SLC7A14: variants seen among roughly 807,000 people sequenced by gnomAD.
SLC7A14 encodes solute carrier family 7 member 14.
SLC7A14 carries 37 observed loss-of-function variants against 60.2 expected under a neutral mutation model. The observed-to-expected ratio is 0.61, with a 90% CI of 0.47 to 0.81. The LOEUF (loss-of-function observed/expected upper bound fraction) is 0.81. Among genes scored for constraint, SLC7A14 ranks in the 30% least tolerant of loss-of-function variants. The pLI is 0.00. For missense variants in SLC7A14, 886 were observed against 982.7 expected (o/e 0.90, Z 1.32); for synonymous variants, 399 against 395.8 (o/e 1.01, Z -0.10).
At chr3:170,547,226 A>G (rs1714207447) in intron 1 of SLC7A14, among the ~76,000 whole-genome samples, 1 of 152,118 alleles carries the variant, frequency 6.6e-6, no homozygotes, top group Non-Finnish European at 1.5e-5. Context: ...CCACCTTCTG[A>G]AGTGGAGGGT....
At chr3:170,511,346 G>A (rs968132821) in intron 2 of SLC7A14, among the ~76,000 whole-genome samples, 3 of 151,834 alleles carry the variant, frequency 2.0e-5, no homozygotes, top group Admixed American at 6.6e-5. Context: ...GCGGTGAGCC[G>A]AGATCATGCC....
In SLC7A14 at chr3:170,464,058, T is replaced by G. The variant is rs1739661913; in HGVS notation, c.*2997A>C. The G allele has an allele frequency of 6.6e-6, 1 of 152,276 alleles. No homozygotes were observed. The highest frequency in any genetic ancestry group is 1.5e-5 in the Non-Finnish European group (1 of 68,050). 9.4% of individuals were successfully genotyped at this position (152,276 alleles called of 1,614,324 possible). On this transcript the variant is annotated 3_prime_UTR_variant, in exon 8 of 8. Coordinates refer to ENST00000231706, the MANE Select transcript of SLC7A14 (RefSeq NM_020949.3). ...AAAGCATGTCAGGGTTCTGCATTTA[T>G]GTACTAAATATACGTCTAGTTTTGT...
chr3:170,521,038 G>C (rs1380267998), intron 2 of SLC7A14, among the ~76,000 whole-genome samples: 3 of 152,216 alleles, frequency 2.0e-5, no homozygotes, highest in African/African-American at 7.2e-5. Context: ...ATATACAAAA[G>C]GGCTTTTAGG....
In SLC7A14 at chr3:170,472,325, C is replaced by T. The variant is rs1441106402; in HGVS notation, c.1994-4948G>A. ...TGGAGGTTGCAGTGAGCTGAGATCA[C>T]GCCATTGCACTCCAGCCTGGGCGAC... On this transcript the variant is annotated intron_variant, in intron 7 of 7. Transcript: ENST00000231706. Among the ~76,000 whole-genome samples the T allele has an allele frequency of 4.7e-5, 7 of 149,338 alleles. No homozygotes were observed. The East Asian group carries it at 1.0e-3, about 21-fold the overall frequency.
chr3:170,473,057 A>G (rs62293534), intron 7 of SLC7A14, among the ~76,000 whole-genome samples: 40,525 of 152,102 alleles, frequency 0.27, 6,706 homozygotes, highest in Non-Finnish European at 0.37. Context: ...ATTGGGACTC[A>G]TATCTCTTAA....
intron 4 of SLC7A14, among the ~76,000 whole-genome samples, chr3:170,491,255 A>G (rs1208919851): frequency 2.0e-5 from 3 of 152,240 alleles, no homozygotes; most frequent in African/African-American, 7.2e-5. Flanking sequence ...GAACAAGAGA[A>G]GGGATGGCAA....
chr3:170,521,790 A>T (rs914631886), intron 2 of SLC7A14, among the ~76,000 whole-genome samples: 3 of 152,084 alleles, frequency 2.0e-5, no homozygotes, highest in Non-Finnish European at 4.4e-5. Flanking sequence ...GTGTGATGTC[A>T]TGCACCTGTA....
chr3:170,526,711 C>A lies in SLC7A14; in HGVS notation c.226G>T (p.Gly76Cys). 1 of 1,614,246 alleles carries A rather than the reference C, an allele frequency of 6.2e-7. No homozygotes were observed. The highest frequency in any genetic ancestry group is 8.5e-7 in the Non-Finnish European group (1 of 1,180,058). ...CVGTGMYVVS[G>C]LVAKEMAGPG... ...CCTGCCATTTCCTTGGCCACCAGGC[C>A]AGAGACCACATACATGCCAGTGCCC... The change falls in exon 2 of 8, where the codon GGC (glycine) becomes TGC (cysteine). Residue 76 changes from glycine to cysteine, a missense_variant. By Grantham distance (159) the Gly-to-Cys change is radical. Transcript: ENST00000231706.
At chr3:170,498,110 C>T (rs1432915963) in intron 4 of SLC7A14, among the ~76,000 whole-genome samples, 4 of 152,218 alleles carry the variant, frequency 2.6e-5, no homozygotes, top group East Asian at 3.9e-4. Context: ...CCTACTGTCC[C>T]CTTTCCCTGG....
intron 2 of SLC7A14, among the ~76,000 whole-genome samples, chr3:170,521,889 C>G (rs1366976018): frequency 2.0e-5 from 3 of 151,750 alleles, no homozygotes; most frequent in South Asian, 4.2e-4. Flanking sequence ...CCATTGCACA[C>G]CAGCCTGGGA....
intron 1 of SLC7A14, among the ~76,000 whole-genome samples, chr3:170,583,309 G>C (rs1268186876): frequency 3.9e-5 from 6 of 152,214 alleles, no homozygotes; most frequent in African/African-American, 1.4e-4. Context: ...TGTTGGGTTA[G>C]ACAACACTGG....
intron 1 of SLC7A14, among the ~76,000 whole-genome samples, chr3:170,584,016 G>T (rs1468552433): frequency 6.6e-6 from 1 of 152,220 alleles, no homozygotes; most frequent in African/African-American, 2.4e-5. Flanking sequence ...TGGACTTTGA[G>T]TTAAATAGAT....
intron 1 of SLC7A14, among the ~76,000 whole-genome samples, chr3:170,541,783 T>A (rs1396436096): frequency 2.0e-5 from 3 of 152,196 alleles, no homozygotes; most frequent in African/African-American, 7.2e-5. Flanking sequence ...GTAATTGCAA[T>A]TAAAATTGCA....
intron 1 of SLC7A14, among the ~76,000 whole-genome samples, chr3:170,547,785 T>G (rs1714224747): frequency 1.3e-5 from 2 of 152,166 alleles, no homozygotes; most frequent in African/African-American, 4.8e-5. Flanking sequence ...TCCAAGAGAG[T>G]ATATGTCATC....
At chr3:170,515,320 CAAA>C (rs71176571) in intron 2 of SLC7A14, among the ~76,000 whole-genome samples, 7 of 124,734 alleles carry the variant, frequency 5.6e-5, no homozygotes, top group African/African-American at 2.2e-4. Flanking sequence ...CCGCCCCCCC[CAAA>C]AAAAAAATAT....
intron 1 of SLC7A14, among the ~76,000 whole-genome samples, chr3:170,561,176 T>C (rs900195879): frequency 6.6e-6 from 1 of 152,208 alleles, no homozygotes; most frequent in Non-Finnish European, 1.5e-5. Context: ...CTGAAGTCCC[T>C]TCACAGTCTA....
At chr3:170,513,455 G>T (rs1244982352) in intron 2 of SLC7A14, among the ~76,000 whole-genome samples, 1 of 152,158 alleles carries the variant, frequency 6.6e-6, no homozygotes, top group African/African-American at 2.4e-5. Context: ...TTCCAAGTGG[G>T]AAATGTCTAA....
At chr3:170,569,677 A>G (rs1013203841) in intron 1 of SLC7A14, among the ~76,000 whole-genome samples, 6 of 152,040 alleles carry the variant, frequency 3.9e-5, no homozygotes, top group African/African-American at 1.4e-4. Flanking sequence ...GATTATTGCC[A>G]CAATTTCAGC....
rs938116453 is a variant in SLC7A14, at chr3:170,535,505, G to C, written c.-152-8417C>G. Among the ~76,000 whole-genome samples, 2 of 152,172 alleles carry C rather than the reference G, an allele frequency of 1.3e-5. No individual in the cohort carries two copies. The highest frequency in any genetic ancestry group is 4.8e-5 in the African/African-American group (2 of 41,448). The stretch of plus-strand genomic sequence containing the variant: ...AGAATATCAGGAATTTAGGCACAAG[G>C]CAGCTTCAGGGAGTGCGAGTGTCCT... On this transcript the variant is annotated intron_variant, in intron 1 of 7. Transcript: ENST00000231706. The surrounding 1 kb of genome is among the most constrained non-coding windows in gnomAD (Gnocchi z 4.3).
Sources: gnomAD v4.1 joint callset for allele counts (sites outside exome capture counted in the v4.1 genomes callset) on GRCh38, gnomAD v4.1.1 for gene constraint, Gnocchi (gnomAD v3.1) non-coding constraint, MANE v1.5 for transcripts, NCBI Gene and HGNC (gene_info 2026-07-23, HGNC 2026-07-21) for gene names.